The following SEC24A variants were observed in gnomAD, a reference collection of about 807,000 sequenced individuals.
The protein encoded by SEC24A is protein transport protein Sec24A.
In SEC24A, 93 loss-of-function variants were observed where a neutral mutation model predicts 129.4. The ratio of observed to expected loss-of-function variants is 0.72; its 90% CI spans 0.61 to 0.85. SEC24A has a LOEUF of 0.85. SEC24A is among the 40% of genes least tolerant of loss of function. SEC24A has a pLI of 0.00. For missense variants in SEC24A, 1,264 were observed against 1,307.4 expected (o/e 0.97, Z 0.51); for synonymous variants, 460 against 467.3 (o/e 0.98, Z 0.20).
At chr5:134,682,301 A>G in intron 8 of SEC24A, 72 bp from the exon 9 acceptor site, 2 of 742,892 alleles carry the variant, frequency 2.7e-6, no homozygotes, top group Non-Finnish European at 4.6e-6. Context: ...TTCAAGGAAG[A>G]AAGTGGCCAA....
chr5:134,703,468 A>G (rs943944041), intron 15 of SEC24A, among the ~76,000 whole-genome samples: 2 of 152,140 alleles, frequency 1.3e-5, no homozygotes, highest in African/African-American at 4.8e-5. Flanking sequence ...GGGTTTCACC[A>G]TGTTATTGGC....
chr5:134,677,539 T>TA (rs549447862), intron 7 of SEC24A, among the ~76,000 whole-genome samples: 176 of 141,328 alleles, frequency 1.2e-3, no homozygotes, highest in Admixed American at 2.2e-3. Context: ...ATCCTTATCT[T>TA]AAAAAAAAAA....
At chr5:134,702,158 TTTTC>T (rs940287556) in intron 15 of SEC24A, among the ~76,000 whole-genome samples, 1 of 152,110 alleles carries the variant, frequency 6.6e-6, no homozygotes, top group Non-Finnish European at 1.5e-5. Context: ...ACATTCTCCT[TTTTC>T]TTTCTTTCTT....
chr5:134,714,898 A>T (rs1015284098), intron 18 of SEC24A, 126 bp from the exon 19 acceptor site: 155 of 948,014 alleles, frequency 1.6e-4, no homozygotes, highest in Non-Finnish European at 2.3e-4. Flanking sequence ...AAGATACTTT[A>T]AAAAAATTAA....
intron 15 of SEC24A, among the ~76,000 whole-genome samples, chr5:134,698,800 T>C (rs1751913203): frequency 6.6e-6 from 1 of 151,654 alleles, no homozygotes; most frequent in African/African-American, 2.4e-5. Context: ...GCCCGGCTAA[T>C]TTTTGTATTT....
chr5:134,687,935 C>G (rs1003112960), intron 10 of SEC24A, among the ~76,000 whole-genome samples: 2 of 152,064 alleles, frequency 1.3e-5, no homozygotes, highest in Admixed American at 1.3e-4. Context: ...CTTTACATAG[C>G]TATACTTGGT....
chr5:134,692,131 C>T (rs1435388994), intron 11 of SEC24A, among the ~76,000 whole-genome samples: 3 of 145,814 alleles, frequency 2.1e-5, no homozygotes, highest in Admixed American at 7.1e-5. Flanking sequence ...GCAATCTTGG[C>T]TCACTGCAGC....
chr5:134,707,817 T>C (rs1347912219), intron 17 of SEC24A, among the ~76,000 whole-genome samples: 1 of 152,142 alleles, frequency 6.6e-6, no homozygotes, highest in Non-Finnish European at 1.5e-5. Flanking sequence ...AAGTCTTCAA[T>C]TATGCTTTTT....
At chr5:134,722,144 G>A (rs1752644161) in intron 21 of SEC24A, among the ~76,000 whole-genome samples, 2 of 152,048 alleles carry the variant, frequency 1.3e-5, no homozygotes, top group Non-Finnish European at 2.9e-5. Flanking sequence ...AGGTTTTATT[G>A]GAACATCCAT....
At chr5:134,706,166 C>T (rs1332088629) in intron 17 of SEC24A, among the ~76,000 whole-genome samples, 3 of 152,092 alleles carry the variant, frequency 2.0e-5, no homozygotes, top group Non-Finnish European at 4.4e-5. Context: ...GGATTACAGG[C>T]GTGAGCCACC....
At chr5:134,711,898 C>A (rs1393367636) in intron 18 of SEC24A, among the ~76,000 whole-genome samples, 2 of 152,058 alleles carry the variant, frequency 1.3e-5, no homozygotes, top group African/African-American at 4.8e-5. Context: ...CAGGCGCCCA[C>A]TACCACGCCC....
intron 2 of SEC24A, among the ~76,000 whole-genome samples, chr5:134,666,395 A>C (rs1750659485): frequency 6.6e-6 from 1 of 152,134 alleles, no homozygotes; most frequent in Admixed American, 6.6e-5. Context: ...GGCTGTACTA[A>C]AAATACAAAA....
chr5:134,670,144 G>A (rs942354824), intron 3 of SEC24A, among the ~76,000 whole-genome samples: 1 of 152,144 alleles, frequency 6.6e-6, no homozygotes, highest in African/African-American at 2.4e-5. Flanking sequence ...CCAGGCTGGT[G>A]TGAACTCCTG....
intron 11 of SEC24A, among the ~76,000 whole-genome samples, chr5:134,690,895 C>G (rs754975358): frequency 1.3e-5 from 2 of 152,158 alleles, no homozygotes; most frequent in African/African-American, 4.8e-5. Flanking sequence ...AGTGCAGTGG[C>G]GCGATCTCAG....
intron 1 of SEC24A, 131 bp downstream of exon 1, chr5:134,649,304 G>A: frequency 1.7e-6 from 1 of 587,622 alleles, no homozygotes; most frequent in Non-Finnish European, 2.9e-6. Flanking sequence ...GGTGGTGGGC[G>A]GCTGGGCCAG....
chr5:134,664,175 A>G (rs1186415827), intron 2 of SEC24A, among the ~76,000 whole-genome samples: 8 of 152,078 alleles, frequency 5.3e-5, no homozygotes, highest in Non-Finnish European at 1.2e-4. Flanking sequence ...AATAAAATGA[A>G]CCTAAAAAGT....
Position 134,675,228 on chromosome 5 carries a change from A to C in SEC24A, c.1151+11A>C. 1.2e-6 allele frequency: 2 copies of C among 1,600,454 alleles called. No homozygotes were observed. The highest frequency in any genetic ancestry group is 1.7e-6 in the Non-Finnish European group (2 of 1,170,228). On this transcript the variant is annotated intron_variant, in intron 6 of 22. Coordinates refer to ENST00000398844, the MANE Select transcript of SEC24A (RefSeq NM_021982.3). Reference sequence around the variant, plus strand: ...CAACTGTAACCCAGAGTAAGGCTTCAGATGTGACATTATGCATGTCCGAAA... The same window carrying C: ...CAACTGTAACCCAGAGTAAGGCTTCCGATGTGACATTATGCATGTCCGAAA...
chr5:134,681,488 T>C (rs529191242), intron 8 of SEC24A, among the ~76,000 whole-genome samples: 1 of 151,606 alleles, frequency 6.6e-6, no homozygotes, highest in South Asian at 2.1e-4. Flanking sequence ...GTTTTGAGTA[T>C]AGAAAAGTAA....
chr5:134,723,721 C>A, intron 22 of SEC24A, 51 bp downstream of exon 22: 1 of 1,100,034 alleles, frequency 9.1e-7, no homozygotes, highest in Non-Finnish European at 1.4e-6. Flanking sequence ...TTTGGCCTTG[C>A]CAGGACCTGA....
Sources: gnomAD v4.1 joint callset for allele counts (sites outside exome capture counted in the v4.1 genomes callset) on GRCh38, gnomAD v4.1.1 for gene constraint, MANE v1.5 for transcripts, NCBI Gene and HGNC (gene_info 2026-07-23, HGNC 2026-07-21) for gene names.